Variants in ANKRD30B observed in about 807,000 individuals in gnomAD.
ANKRD30B encodes ankyrin repeat domain 30B.
In ANKRD30B, 144 loss-of-function variants were observed where a neutral mutation model predicts 202.2. The observed-to-expected ratio is 0.71, with a 90% CI of 0.62 to 0.82. The LOEUF (loss-of-function observed/expected upper bound fraction) is 0.82. Among genes scored for constraint, ANKRD30B ranks in the 40% least tolerant of loss-of-function variants. The pLI is 0.00. For missense variants in ANKRD30B, 1,487 were observed against 1,669.1 expected (o/e 0.89, Z 1.90); for synonymous variants, 508 against 561.3 (o/e 0.91, Z 1.34).
chr18:14,826,585 T>C (rs1970667657), intron 32 of ANKRD30B, among the ~76,000 whole-genome samples: 1 of 151,850 alleles, frequency 6.6e-6, no homozygotes, highest in Admixed American at 6.6e-5. Flanking sequence ...TGTCAAAACC[T>C]AAGGGTCATG....
the ANKRD30B span, among the ~76,000 whole-genome samples, chr18:14,917,866 A>G: frequency 4.2e-3 from 637 of 152,352 alleles, 4 homozygotes; most frequent in Non-Finnish European, 4.8e-3. Flanking sequence ...TTTATTTGGA[A>G]CAATTGCATG....
chr18:14,837,502 T>A, intron 35 of ANKRD30B, 113 bp from the exon 36 acceptor site: 2 of 975,726 alleles, frequency 2.0e-6, no homozygotes, highest in Non-Finnish European at 2.9e-6. Flanking sequence ...ATTCTATTTT[T>A]GCTATTATTT....
the ANKRD30B span, among the ~76,000 whole-genome samples, chr18:14,910,540 A>G: frequency 6.6e-6 from 1 of 151,330 alleles, no homozygotes. Flanking sequence ...ATGGACATGT[A>G]GGTTGATTCC....
chr18:14,788,491 C>A (rs192464392), intron 15 of ANKRD30B, among the ~76,000 whole-genome samples: 1 of 152,004 alleles, frequency 6.6e-6, no homozygotes, highest in Non-Finnish European at 1.5e-5. Context: ...TGTGCTCCAC[C>A]CATTAACTCG....
chr18:14,909,206 T>C, the ANKRD30B span, among the ~76,000 whole-genome samples: 1 of 152,166 alleles, frequency 6.6e-6, no homozygotes, highest in Non-Finnish European at 1.5e-5. Flanking sequence ...TGTCTGTAAA[T>C]TGACAGGGCT....
intron 9 of ANKRD30B, 84 bp from the exon 10 acceptor site, chr18:14,777,901 C>A (rs1438763307): frequency 4.3e-6 from 4 of 929,512 alleles, no homozygotes; most frequent in South Asian, 1.5e-5. Flanking sequence ...CGAGATCACA[C>A]CACTGAGCCA....
At chr18:14,896,365 T>G in the ANKRD30B span, among the ~76,000 whole-genome samples, 1 of 152,114 alleles carries the variant, frequency 6.6e-6, no homozygotes, top group Admixed American at 6.5e-5. Flanking sequence ...TCTCCTGACC[T>G]TGTGATCTGC....
chr18:14,766,469 T>C (rs1916177998), intron 7 of ANKRD30B, among the ~76,000 whole-genome samples: 1 of 11,134 alleles, frequency 9.0e-5, no homozygotes, highest in South Asian at 4.3e-3. Flanking sequence ...CGAGACTCCA[T>C]CTCAAAAAAA....
chr18:14,937,687 G>A, the ANKRD30B span, among the ~76,000 whole-genome samples: 1 of 152,240 alleles, frequency 6.6e-6, no homozygotes, highest in Admixed American at 6.5e-5. Flanking sequence ...CCCGCTCTGT[G>A]AATTGTCCTC....
intron 30 of ANKRD30B, among the ~76,000 whole-genome samples, chr18:14,817,556 A>G (rs1221420869): frequency 4.6e-5 from 7 of 152,090 alleles, no homozygotes; most frequent in Non-Finnish European, 5.9e-5. Flanking sequence ...TCATCTCTGC[A>G]TGTTTTGCTT....
chr18:14,880,021 G>C, the ANKRD30B span, among the ~76,000 whole-genome samples: 1 of 152,058 alleles, frequency 6.6e-6, no homozygotes, highest in Admixed American at 6.6e-5. Flanking sequence ...CAGGAATTAG[G>C]TTTAAGTTCT....
At chr18:14,905,488 A>G in the ANKRD30B span, 1 of 152,368 alleles carries the variant, frequency 6.6e-6, no homozygotes, top group Middle Eastern at 3.4e-3. Flanking sequence ...TAAAGACAGT[A>G]GAAAGAAATG....
At chr18:14,899,814 C>T in the ANKRD30B span, among the ~76,000 whole-genome samples, 1 of 152,078 alleles carries the variant, frequency 6.6e-6, no homozygotes. Context: ...TTATATTTAA[C>T]TCATTGTTCT....
Position 14,784,445 on chromosome 18 carries a change from T to C in ANKRD30B, c.1600-18T>C. ...GTACACATTCTTTATTGATCATTTT[T>C]CTTCCAAACCCATTTAGCCTGCCGT... On this transcript the variant is annotated intron_variant, in intron 13 of 43. Transcript: ENST00000690538. The C allele has an allele frequency of 6.2e-7, 1 of 1,613,316 alleles. No homozygotes were observed. Among genetic ancestry groups the C allele is most frequent in the East Asian group, 2.2e-5 (1 of 44,768 alleles).
chr18:14,758,050 A>G, intron 5 of ANKRD30B, 98 bp downstream of exon 5: 7 of 1,365,844 alleles, frequency 5.1e-6, no homozygotes, highest in South Asian at 1.5e-5. Flanking sequence ...GCCAGAAACT[A>G]GGCAAAAAGC....
intron 20 of ANKRD30B, among the ~76,000 whole-genome samples, chr18:14,798,416 A>G (rs1298657394): frequency 2.0e-5 from 3 of 152,132 alleles, no homozygotes; most frequent in Non-Finnish European, 4.4e-5. Context: ...CAGAGCCTTA[A>G]AAAAGAAACA....
the ANKRD30B span, among the ~76,000 whole-genome samples, chr18:14,881,345 TGTGA>T: frequency 1.3e-5 from 2 of 152,190 alleles, no homozygotes; most frequent in East Asian, 3.8e-4. Flanking sequence ...GATATAATCG[TGTGA>T]GTTTTTTTAA....
chr18:14,887,983 TATC>T, the ANKRD30B span, among the ~76,000 whole-genome samples: 1 of 152,092 alleles, frequency 6.6e-6, no homozygotes, highest in African/African-American at 2.4e-5. Context: ...AGTACAGTAT[TATC>T]ATCAATCACT....
At chr18:14,774,863 C>G (rs147067028) in intron 9 of ANKRD30B, among the ~76,000 whole-genome samples, 2,851 of 150,726 alleles carry the variant, frequency 0.019, 95 homozygotes, top group African/African-American at 0.066. Flanking sequence ...TGTGGTGGCT[C>G]ATGCCTGTAA....
Sources: gnomAD v4.1 joint callset for allele counts (sites outside exome capture counted in the v4.1 genomes callset) on GRCh38, gnomAD v4.1.1 for gene constraint, MANE v1.5 for transcripts, NCBI Gene and HGNC (gene_info 2026-07-23, HGNC 2026-07-21) for gene names.